Variants in SEC24C observed in about 807,000 individuals in gnomAD.
SEC24C encodes protein transport protein Sec24C.
A neutral mutation model predicts 117.0 loss-of-function variants in SEC24C; 22 were observed. That is an observed-to-expected ratio of 0.19 (90% CI 0.13 to 0.27). The LOEUF is 0.27. Ranked by LOEUF, SEC24C falls within the 10% of genes least tolerant of loss-of-function variation. SEC24C has a pLI of 1.00. For synonymous variants in SEC24C, 506 were observed against 529.4 expected (o/e 0.96, Z 0.61); for missense variants, 1,155 against 1,375.1 (o/e 0.84, Z 2.53).
rs1176005207 is a variant in SEC24C at position 73,769,472 on chromosome 10, C to T, written c.2550C>T (p.Tyr850=). ...RNCETDTLIN[Y]MAKFAYRGVL... ...GTGAGACTGACACGCTCATCAACTACATGGCCAAGTTTGGTGAGGGTAGAA... is the reference window on the plus strand; with the variant it reads ...GTGAGACTGACACGCTCATCAACTATATGGCCAAGTTTGGTGAGGGTAGAA... Residue 850 remains tyrosine (Y), a synonymous_variant, in exon 18 of 23, where the codon TAC becomes TAT. Transcript: ENST00000345254. This position sits in a 1 kb window ranked among gnomAD's most constrained non-coding sequence, Gnocchi z 4.5. 2 of 1,614,154 alleles carry T rather than the reference C, an allele frequency of 1.2e-6. No individual in the cohort carries two copies. The highest frequency in any genetic ancestry group is 4.5e-5 in the East Asian group (2 of 44,878).
In SEC24C at chr10:73,751,201, G is replaced by A. The variant is rs1462186384; in HGVS notation, c.266G>A (p.Gly89Glu). ...GQAAYGQFGQ[G>E]DVQNGPSSTV... ...GCTGCATATGGCCAGTTTGGCCAAG[G>A]AGATGTACAGAATGGGCCAAGCTCC... Residue 89 changes from glycine (G) to glutamate (E), a missense_variant, in exon 3 of 23, where the codon GGA (glycine) becomes GAA (glutamate). By Grantham distance (98) the Gly-to-Glu change is moderately conservative. This residue lies in a region of SEC24C where 396 missense variants were observed against 382.8 expected (regional missense o/e 1.03). Transcript: ENST00000345254. The A allele has an allele frequency of 6.2e-7, 1 of 1,614,218 alleles. No homozygotes were observed. The highest frequency in any genetic ancestry group is 1.7e-5 in the Admixed American group (1 of 60,004).
At chr10:73,766,040 G>T in intron 10 of SEC24C, 46 bp from the exon 11 acceptor site, 4 of 1,604,924 alleles carry the variant, frequency 2.5e-6, no homozygotes, top group South Asian at 1.1e-5. Flanking sequence ...TAGTCAACTG[G>T]CCTGCTTACC....
At position 73,759,769 on chromosome 10, in the gene SEC24C, C is replaced by A. The variant is rs1270539318; in HGVS notation, c.456C>A (p.Ala152=). The change falls in exon 4 of 23, where the codon GCC becomes GCA. Residue 152 remains alanine (A), a synonymous_variant. Coordinates refer to ENST00000345254, the MANE Select transcript of SEC24C (RefSeq NM_198597.3). Reference sequence around the variant, plus strand: ...AGATCAGCGGTGCTGTGGCCCCAGCCCCTCCTTCTTCAGGGCTGGGCTTTG... The same window carrying A: ...AGATCAGCGGTGCTGTGGCCCCAGCACCTCCTTCTTCAGGGCTGGGCTTTG... The part of the protein sequence containing the change: ...GMQISGAVAP[A]PPSSGLGFGP... 3 of 1,597,080 alleles carry A rather than the reference C, an allele frequency of 1.9e-6. No homozygotes were observed. Among genetic ancestry groups the A allele is most frequent in the Admixed American group, 1.8e-5 (1 of 55,802 alleles).
chr10:73,753,983 T>G (rs1044778125), intron 3 of SEC24C, among the ~76,000 whole-genome samples: 2 of 152,120 alleles, frequency 1.3e-5, no homozygotes, highest in Non-Finnish European at 2.9e-5. Context: ...GTTCATTACC[T>G]GTCATTAGTG....
At chr10:73,766,875 A>G (rs766088533) in intron 13 of SEC24C, 22 bp downstream of exon 13, 3 of 1,593,808 alleles carry the variant, frequency 1.9e-6, no homozygotes, top group South Asian at 1.1e-5. Flanking sequence ...GTATCGGGCA[A>G]CCTCCTCTAA....
chr10:73,768,245 G>A (rs2082916129), intron 15 of SEC24C, among the ~76,000 whole-genome samples: 1 of 152,184 alleles, frequency 6.6e-6, no homozygotes, highest in South Asian at 2.1e-4. Flanking sequence ...TTAGTCGGGT[G>A]TGGTGGCGGG....
chr10:73,771,105 G>A lies in SEC24C; in HGVS notation c.*10G>A. The A allele has an allele frequency of 6.2e-7, 1 of 1,613,156 alleles. No homozygotes were observed. On this transcript the variant is annotated 3_prime_UTR_variant, in exon 23 of 23. Transcript: ENST00000345254. ...GCAGCTACTGAGCTAAAGCAAGTGGGTAAATGGCATAGGGCCCAGGCTAGC... is the reference window on the plus strand; with the variant it reads ...GCAGCTACTGAGCTAAAGCAAGTGGATAAATGGCATAGGGCCCAGGCTAGC...
At position 73,767,905 on chromosome 10, in the gene SEC24C, T is replaced by C. The variant is rs1172500370; in HGVS notation, c.2079T>C (p.Cys693=). ...LAKECVAQGC[C]VDLFLFPNQY... is the part of the protein sequence containing the mutation. ...AAGAGTGTGTGGCCCAAGGCTGCTG[T>C]GTAGATCTCTTTCTCTTCCCTAACC... The change falls in exon 15 of 23, where the codon TGT becomes TGC. Residue 693 remains cysteine, a synonymous_variant. Coordinates refer to ENST00000345254, the MANE Select transcript of SEC24C (RefSeq NM_198597.3). 2 of 1,613,722 alleles carry C rather than the reference T, an allele frequency of 1.2e-6. No individual in the cohort carries two copies. Among genetic ancestry groups the C allele is most frequent in the Non-Finnish European group, 1.7e-6 (2 of 1,179,908 alleles).
intron 7 of SEC24C, 105 bp downstream of exon 7, chr10:73,763,706 T>TTTTTTAAAAAA: frequency 1.5e-6 from 1 of 681,258 alleles, no homozygotes; most frequent in Non-Finnish European, 2.2e-6. Context: ...TTTTAGTTTT[T>TTTTTTAAAAAA]AACCAGAGAC....
intron 2 of SEC24C, among the ~76,000 whole-genome samples, chr10:73,749,920 A>C (rs1349944610): frequency 1.3e-5 from 2 of 152,176 alleles, no homozygotes; most frequent in Non-Finnish European, 2.9e-5. Context: ...TTAACAGTAG[A>C]TCTTTGCTTA....
intron 12 of SEC24C, 98 bp downstream of exon 12, chr10:73,766,639 G>A: frequency 1.4e-6 from 2 of 1,461,784 alleles, no homozygotes; most frequent in Non-Finnish European, 1.9e-6. Flanking sequence ...TAGATGGAAA[G>A]GGGTTGTGGC....
Position 73,746,870 on chromosome 10 carries a change from T to G in SEC24C, c.38T>G (p.Phe13Cys). 6.2e-7 allele frequency: 1 copy of G among 1,612,532 alleles called. No homozygotes were observed. Among genetic ancestry groups the G allele is most frequent in the Non-Finnish European group, 8.5e-7 (1 of 1,179,346 alleles). Residue 13 changes from phenylalanine (F) to cysteine (C), a missense_variant, in exon 2 of 23, where the codon TTT becomes TGT. This residue lies in a region of SEC24C where 396 missense variants were observed against 382.8 expected (regional missense o/e 1.03). Coordinates refer to ENST00000345254, the MANE Select transcript of SEC24C (RefSeq NM_198597.3). ...CAGTCAGTTCCACCTGTGCCACCAT[T>G]TGGGCAGCCCCAGCCCATCTACCCA... The part of the protein sequence containing the change: ...VNQSVPPVPP[F>C]GQPQPIYPGY...
chr10:73,768,722 C>T, intron 15 of SEC24C, 88 bp from the exon 16 acceptor site: 1 of 1,201,048 alleles, frequency 8.3e-7, no homozygotes, highest in Middle Eastern at 2.7e-4. Context: ...ATTAGGTGGC[C>T]TTGTAGAGTG....
chr10:73,763,698 T>TTTTTTTTTTTTTTA (rs1309320258), intron 7 of SEC24C, 97 bp downstream of exon 7: 2 of 747,246 alleles, frequency 2.7e-6, no homozygotes, highest in Non-Finnish European at 3.9e-6. Flanking sequence ...TTTTTTTTTT[T>TTTTTTTTTTTTTTA]TAGTTTTTAA....
chr10:73,753,130 C>G (rs960481839), intron 3 of SEC24C, among the ~76,000 whole-genome samples: 8 of 151,468 alleles, frequency 5.3e-5, no homozygotes. Flanking sequence ...GTTCACTACA[C>G]TCTCCAGCTC....
intron 14 of SEC24C, 31 bp downstream of exon 14, chr10:73,767,201 G>T: frequency 6.9e-7 from 1 of 1,439,350 alleles, no homozygotes; most frequent in South Asian, 1.1e-5. Context: ...GGAGGGGAAG[G>T]ATTTTTCATT....
intron 8 of SEC24C, 148 bp downstream of exon 8, chr10:73,764,131 A>G: frequency 9.1e-7 from 1 of 1,101,872 alleles, no homozygotes; most frequent in South Asian, 1.6e-5. Context: ...TTTCTATCCC[A>G]GGGCCCATGC....
chr10:73,754,515 C>T (rs996747351), intron 3 of SEC24C, among the ~76,000 whole-genome samples: 1 of 152,200 alleles, frequency 6.6e-6, no homozygotes, highest in Non-Finnish European at 1.5e-5. Context: ...CCAAATCTCA[C>T]TACAGTCATT....
At chr10:73,749,728 G>GGGTTT (rs1256610752) in intron 2 of SEC24C, among the ~76,000 whole-genome samples, 2 of 151,986 alleles carry the variant, frequency 1.3e-5, no homozygotes, top group Non-Finnish European at 2.9e-5. Context: ...ATTTTTAGTA[G>GGGTTT]AGACAGGGTT....
Sources: allele counts gnomAD v4.1 joint callset (sites outside exome capture counted in the v4.1 genomes callset), GRCh38; gene constraint gnomAD v4.1.1; regional missense constraint gnomAD v4.1.1; non-coding constraint Gnocchi (gnomAD v3.1); transcripts MANE v1.5; gene names NCBI Gene and HGNC (gene_info 2026-07-23, HGNC 2026-07-21).